SLC12A2: variants seen among roughly 807,000 people sequenced by gnomAD.
SLC12A2 encodes the protein solute carrier family 12 member 2, also known as Na-K-2Cl cotransporter 1.
SLC12A2 carries 67 observed loss-of-function variants against 136.3 expected under a neutral mutation model. That is an observed-to-expected ratio of 0.49 (90% CI 0.40 to 0.60). The LOEUF is 0.60. SLC12A2 is among the 20% of genes least tolerant of loss of function. The pLI is 0.00. For missense variants in SLC12A2, 1,322 were observed against 1,534.7 expected (o/e 0.86, Z 2.32); for synonymous variants, 619 against 562.9 (o/e 1.10, Z -1.41).
At chr5:128,152,888 C>T in intron 15 of SLC12A2, 83 bp downstream of exon 15, 1 of 857,596 alleles carries the variant, frequency 1.2e-6, no homozygotes, top group East Asian at 2.4e-5. Context: ...TTTTCATGTA[C>T]ATTTCACATT....
intron 1 of SLC12A2, among the ~76,000 whole-genome samples, chr5:128,087,075 A>G (rs1280443695): frequency 1.3e-5 from 2 of 152,250 alleles, no homozygotes; most frequent in Non-Finnish European, 2.9e-5. Flanking sequence ...TGTTAGGGAA[A>G]AGGACTGGAT....
chr5:128,178,571 C>T lies in SLC12A2; in HGVS notation c.2982C>T (p.Ser994=), dbSNP rs766146434. The T allele has an allele frequency of 3.2e-6, 5 of 1,558,228 alleles. No homozygotes were observed. Among genetic ancestry groups the T allele is most frequent in the Non-Finnish European group, 4.3e-6 (5 of 1,158,588 alleles). The change falls in exon 22 of 27, where the codon TCC becomes TCT. Residue 994 remains serine, a synonymous_variant. Transcript: ENST00000262461. ...ATATTTTGCTTAATCCTTTAGAATCCAAAGGCCCTATTGTGCCTTTAAATG... is the reference window on the plus strand; with the variant it reads ...ATATTTTGCTTAATCCTTTAGAATCTAAAGGCCCTATTGTGCCTTTAAATG... ...TATQPLLKKE[S]KGPIVPLNVA... is the part of the protein sequence containing the mutation.
chr5:128,170,654 C>T lies in SLC12A2; in HGVS notation c.2724-1013C>T, dbSNP rs557943903. 1.1e-4 allele frequency: 16 copies of T among 152,116 alleles called. 1 individual carries two copies. In the South Asian group the frequency reaches 1.2e-3, roughly 12 times the overall value. 9.4% of individuals were successfully genotyped at this position (152,116 alleles called of 1,614,324 possible). A position where few individuals can be genotyped will look rare whatever the true frequency, so the allele number is the denominator to read the frequency against. ...TTACCACTTTCAGAGAACAACGTGA[C>T]GTTTTGGAATTTAAAATTTTTTCAG... On this transcript the variant is annotated intron_variant, in intron 18 of 26. Transcript: ENST00000262461.
At chr5:128,159,879 C>T (rs1486805981) in intron 16 of SLC12A2, among the ~76,000 whole-genome samples, 1 of 152,136 alleles carries the variant, frequency 6.6e-6, no homozygotes, top group African/African-American at 2.4e-5. Context: ...CCAGCAATCC[C>T]ATTACTGGGT....
intron 5 of SLC12A2, among the ~76,000 whole-genome samples, 179 bp from the exon 6 acceptor site, chr5:128,133,986 A>G (rs906194620): frequency 2.0e-5 from 3 of 152,210 alleles, no homozygotes; most frequent in Non-Finnish European, 4.4e-5. Context: ...TTGAATGACT[A>G]ACACCTCAGT....
At chr5:128,138,778 T>G in intron 8 of SLC12A2, 46 bp from the exon 9 acceptor site, 1 of 1,598,360 alleles carries the variant, frequency 6.3e-7, no homozygotes, top group Non-Finnish European at 8.5e-7. Context: ...GGAATTTGTA[T>G]ATTTATTTTT....
intron 1 of SLC12A2, among the ~76,000 whole-genome samples, chr5:128,085,973 A>G (rs1289056392): frequency 6.6e-6 from 1 of 152,208 alleles, no homozygotes; most frequent in Non-Finnish European, 1.5e-5. Context: ...TTTTTTATTC[A>G]TACTCCTGTA....
chr5:128,153,001 C>A (rs1379737169), intron 15 of SLC12A2, among the ~76,000 whole-genome samples, 196 bp downstream of exon 15: 1 of 152,144 alleles, frequency 6.6e-6, no homozygotes, highest in East Asian at 1.9e-4. Context: ...AGGTTTCTCA[C>A]TTGAAGACTT....
chr5:128,144,948 CT>C (rs962028436), intron 10 of SLC12A2, among the ~76,000 whole-genome samples: 2 of 151,948 alleles, frequency 1.3e-5, no homozygotes, highest in Non-Finnish European at 2.9e-5. Context: ...ACAAGACAGT[CT>C]TTTTTTCATC....
At chr5:128,154,469 C>T (rs1021261312) in intron 15 of SLC12A2, among the ~76,000 whole-genome samples, 2 of 151,612 alleles carry the variant, frequency 1.3e-5, no homozygotes, top group East Asian at 3.9e-4. Flanking sequence ...TAGAATTATA[C>T]GTGAGTATTG....
At chr5:128,129,113 A>C (rs1219452171) in intron 4 of SLC12A2, among the ~76,000 whole-genome samples, 1 of 152,076 alleles carries the variant, frequency 6.6e-6, no homozygotes, top group Non-Finnish European at 1.5e-5. Context: ...CTGATTCTAA[A>C]GTTTGTATTG....
chr5:128,154,920 T>G (rs984016352), intron 15 of SLC12A2, among the ~76,000 whole-genome samples: 16 of 152,202 alleles, frequency 1.1e-4, no homozygotes, highest in Non-Finnish European at 2.1e-4. Context: ...CGTAAAATTT[T>G]TTTTCTTTCC....
chr5:128,093,259 C>G (rs758954766), intron 1 of SLC12A2, among the ~76,000 whole-genome samples: 1 of 152,118 alleles, frequency 6.6e-6, no homozygotes, highest in Admixed American at 6.6e-5. Context: ...ACTCTTTCAG[C>G]CTCGCATCCT....
At chr5:128,114,084 G>A (rs1331431195) in intron 2 of SLC12A2, 128 bp from the exon 3 acceptor site, 40 of 687,450 alleles carry the variant, frequency 5.8e-5, no homozygotes, top group Non-Finnish European at 9.6e-5. Context: ...TGGGGTAGGA[G>A]TTAGATTTAA....
intron 3 of SLC12A2, 38 bp downstream of exon 3, chr5:128,114,325 CA>C: frequency 6.8e-7 from 1 of 1,469,084 alleles, no homozygotes; most frequent in Non-Finnish European, 9.5e-7. Context: ...TGAGAATAAG[CA>C]AAATAACTGT....
At chr5:128,089,354 C>T (rs1010235706) in intron 1 of SLC12A2, among the ~76,000 whole-genome samples, 2 of 152,048 alleles carry the variant, frequency 1.3e-5, no homozygotes, top group Non-Finnish European at 2.9e-5. Context: ...TGCCTGTGAA[C>T]AGCCACTGCG....
intron 7 of SLC12A2, among the ~76,000 whole-genome samples, chr5:128,138,269 T>G (rs548081840): frequency 1.6e-4 from 25 of 152,252 alleles, no homozygotes; most frequent in African/African-American, 5.3e-4. Flanking sequence ...CCTTCTTGCT[T>G]CTTTTACCTC....
At position 128,095,576 on chromosome 5, in the gene SLC12A2, A is replaced by G. The variant is rs900600254; in HGVS notation, c.756+10866A>G. Among the ~76,000 whole-genome samples, 4 of 152,160 alleles carry G rather than the reference A, an allele frequency of 2.6e-5. No homozygotes were observed. In the South Asian group the frequency reaches 6.2e-4, roughly 24 times the overall value. On this transcript the variant is annotated intron_variant, in intron 1 of 26. Coordinates refer to ENST00000262461, the MANE Select transcript of SLC12A2 (RefSeq NM_001046.3). ...ATGTTTTATTCAACCTCTTAGAGCA[A>G]GTTTGACCACCTTACAACCTGCGGG...
intron 1 of SLC12A2, among the ~76,000 whole-genome samples, chr5:128,102,596 C>CCTTTTTTTTTTTTTTTTTTT (rs1561657602): frequency 2.5e-5 from 1 of 40,450 alleles, no homozygotes; most frequent in Non-Finnish European, 4.9e-5. Flanking sequence ...CCCCCCCCGC[C>CCTTTTTTTTTTTTTTTTTTT]TTTTTTTTTT....
Sources: allele counts gnomAD v4.1 joint callset (sites outside exome capture counted in the v4.1 genomes callset), GRCh38; gene constraint gnomAD v4.1.1; transcripts MANE v1.5; gene names NCBI Gene and HGNC (gene_info 2026-07-23, HGNC 2026-07-21).